CIMIP4: variants seen among roughly 807,000 people sequenced by gnomAD.
CIMIP4 encodes the protein protein EAN57.
the CIMIP4 span, chr22:36,999,690 T>G: frequency 1.0e-6 from 1 of 990,626 alleles, no homozygotes; most frequent in Non-Finnish European, 1.4e-6. Context: ...CAAGCTGACA[T>G]AGAGGACACA....
At chr22:36,994,021 G>A in the CIMIP4 span, among the ~76,000 whole-genome samples, 2 of 152,288 alleles carry the variant, frequency 1.3e-5, no homozygotes, top group East Asian at 3.9e-4. Context: ...AGGTGAAATA[G>A]ACTGTAGGGC....
At chr22:36,995,824 C>A in the CIMIP4 span, among the ~76,000 whole-genome samples, 3 of 152,176 alleles carry the variant, frequency 2.0e-5, no homozygotes, top group Non-Finnish European at 4.4e-5. Context: ...GTCTATTAAA[C>A]CTCTTTTTCT....
chr22:36,993,267 C>T, the CIMIP4 span, among the ~76,000 whole-genome samples: 1 of 151,940 alleles, frequency 6.6e-6, no homozygotes, highest in Non-Finnish European at 1.5e-5. Flanking sequence ...ATCTCGGCCT[C>T]CCAAAGTGCT....
the CIMIP4 span, chr22:37,004,133 CT>C: frequency 5.8e-4 from 595 of 1,033,718 alleles, 4 homozygotes; most frequent in African/African-American, 8.8e-3. Context: ...CTGCCCGCCC[CT>C]GATCAGAGGT....
At chr22:36,991,578 C>G in the CIMIP4 span, 4 of 1,614,190 alleles carry the variant, frequency 2.5e-6, no homozygotes, top group Non-Finnish European at 3.4e-6. Context: ...GGCTCTTTGT[C>G]TCCTCAGCAG....
chr22:36,992,070 C>T, the CIMIP4 span, among the ~76,000 whole-genome samples: 1 of 152,130 alleles, frequency 6.6e-6, no homozygotes, highest in Non-Finnish European at 1.5e-5. Flanking sequence ...ATATTTAGGC[C>T]GGGGGCAGTG....
chr22:36,996,939 G>C, the CIMIP4 span, among the ~76,000 whole-genome samples: 25 of 152,320 alleles, frequency 1.6e-4, no homozygotes, highest in Admixed American at 6.5e-5. Flanking sequence ...TCAATAAAAG[G>C]TACTGAGGCA....
the CIMIP4 span, among the ~76,000 whole-genome samples, chr22:36,994,326 T>TATC: frequency 2.0e-5 from 3 of 152,038 alleles, no homozygotes; most frequent in Non-Finnish European, 4.4e-5. Context: ...TTATTATTAT[T>TATC]ATCATTATTT....
At chr22:37,004,573 C>T in the CIMIP4 span, among the ~76,000 whole-genome samples, 1 of 152,208 alleles carries the variant, frequency 6.6e-6, no homozygotes, top group Non-Finnish European at 1.5e-5. Flanking sequence ...AGCAGGAACC[C>T]ACACTTTGCT....
chr22:36,992,194 A>C, the CIMIP4 span, among the ~76,000 whole-genome samples: 1 of 152,328 alleles, frequency 6.6e-6, no homozygotes, highest in South Asian at 2.1e-4. Flanking sequence ...TAAAAATACA[A>C]AAATTAGCTG....
chr22:36,998,273 C>G, the CIMIP4 span, among the ~76,000 whole-genome samples: 1 of 152,170 alleles, frequency 6.6e-6, no homozygotes, highest in South Asian at 2.1e-4. Context: ...ACAAGCAGAA[C>G]TGTATTCTCG....
the CIMIP4 span, chr22:37,000,027 A>G: frequency 6.3e-7 from 1 of 1,584,750 alleles, no homozygotes; most frequent in Non-Finnish European, 8.6e-7. Flanking sequence ...ATGGAAAAGC[A>G]GTTTCAAGCC....
the CIMIP4 span, among the ~76,000 whole-genome samples, chr22:37,003,087 A>G: frequency 1.3e-5 from 2 of 152,236 alleles, no homozygotes. Flanking sequence ...CTCTTAAAAG[A>G]TACATAAGGG....
At chr22:36,997,846 A>G in the CIMIP4 span, among the ~76,000 whole-genome samples, 1 of 152,214 alleles carries the variant, frequency 6.6e-6, no homozygotes, top group Non-Finnish European at 1.5e-5. Flanking sequence ...CAGCCTCACC[A>G]ACCTCAAACA....
chr22:36,994,630 A>ATTTTTT, the CIMIP4 span, among the ~76,000 whole-genome samples: 1 of 114,180 alleles, frequency 8.8e-6, no homozygotes. Flanking sequence ...GCCTCCTGAG[A>ATTTTTT]TTTTTTTTTT....
chr22:36,998,486 C>T, the CIMIP4 span, among the ~76,000 whole-genome samples: 1 of 152,190 alleles, frequency 6.6e-6, no homozygotes, highest in East Asian at 1.9e-4. Flanking sequence ...TGAGGCCAAA[C>T]CAGAATGTGG....
chr22:36,996,710 G>T, the CIMIP4 span, among the ~76,000 whole-genome samples: 1 of 152,174 alleles, frequency 6.6e-6, no homozygotes, highest in Admixed American at 6.5e-5. Flanking sequence ...AGAGTAAAGG[G>T]CCTAGAAACC....
At chr22:37,004,625 A>G in the CIMIP4 span, among the ~76,000 whole-genome samples, 5 of 151,898 alleles carry the variant, frequency 3.3e-5, no homozygotes, top group Non-Finnish European at 5.9e-5. Flanking sequence ...TTGGATTCAA[A>G]TTAGAGGGGT....
the CIMIP4 span, among the ~76,000 whole-genome samples, chr22:37,001,122 G>A: frequency 1.4e-3 from 214 of 152,188 alleles, no homozygotes; most frequent in African/African-American, 5.0e-3. Context: ...CATTTGACCA[G>A]AAACGGTAGA....
Sources: allele counts gnomAD v4.1 joint callset (sites outside exome capture counted in the v4.1 genomes callset), GRCh38; gene constraint gnomAD v4.1.1; transcripts MANE v1.5; gene names NCBI Gene and HGNC (gene_info 2026-07-23, HGNC 2026-07-21).